SCN10A: variants seen among roughly 807,000 people sequenced by gnomAD.
SCN10A encodes the protein sodium channel protein type 10 subunit alpha.
Under a neutral mutation model 170.7 loss-of-function variants are expected in SCN10A, and 162 were observed. The ratio of observed to expected loss-of-function variants is 0.95; its 90% confidence interval spans 0.84 to 1.08. The LOEUF (loss-of-function observed/expected upper bound fraction) is 1.08, where lower values mean the gene tolerates loss of function less well. SCN10A is among the 50% of genes least tolerant of loss of function. The probability of loss-of-function intolerance (pLI) is 0.00; values close to 1 mark genes in which losing one functional copy is unlikely to be tolerated. For synonymous variants in SCN10A, 985 were observed against 904.6 expected (o/e 1.09, Z -1.59); for missense variants, 2,527 against 2,436.9 (o/e 1.04, Z -0.78).
At chr3:38,723,290 C>T (rs1244073935) in intron 19 of SCN10A, 140 bp downstream of exon 19, 6 of 987,248 alleles carry the variant, frequency 6.1e-6, no homozygotes, top group African/African-American at 1.6e-5. Context: ...GTGTCTGATG[C>T]GGGCGCCCTC....
chr3:38,811,589 T>C (rs79814624), intron 1 of SCN10A, among the ~76,000 whole-genome samples: 3,326 of 152,132 alleles, frequency 0.022, 106 homozygotes, highest in African/African-American at 0.074. Context: ...CAAAGTAATA[T>C]AATTAAGTAG....
chr3:38,771,143 G>A, intron 5 of SCN10A, 136 bp downstream of exon 5: 1 of 886,124 alleles, frequency 1.1e-6, no homozygotes, highest in South Asian at 1.7e-5. Context: ...TTCCTGCAGT[G>A]GTTCTTGGAG....
intron 15 of SCN10A, among the ~76,000 whole-genome samples, chr3:38,738,763 T>A (rs537561639): frequency 3.5e-4 from 53 of 152,222 alleles, no homozygotes; most frequent in African/African-American, 1.3e-3. Flanking sequence ...GACCCGACAC[T>A]CCTGGGAATC....
chr3:38,792,405 T>G (rs2064294291), intron 2 of SCN10A, among the ~76,000 whole-genome samples: 1 of 152,166 alleles, frequency 6.6e-6, no homozygotes, highest in Admixed American at 6.5e-5. Flanking sequence ...TGCACCAAGA[T>G]GAGCCCACTG....
chr3:38,781,044 G>T (rs2064132990), intron 4 of SCN10A, among the ~76,000 whole-genome samples: 1 of 152,110 alleles, frequency 6.6e-6, no homozygotes, highest in Non-Finnish European at 1.5e-5. Flanking sequence ...AGGTGAAACA[G>T]CTCCATAAAT....
rs754392803 is a variant in SCN10A, at chr3:38,793,968, G to A, written c.43C>T (p.Arg15Cys). 2.5e-6 allele frequency: 4 copies of A among 1,613,890 alleles called. No homozygotes were observed. The East Asian group carries it at 6.7e-5, about 27-fold the overall frequency. The change falls in exon 2 of 28, where the codon CGC becomes TGC. Residue 15 changes from arginine (R) to cysteine (C), a missense_variant. By Grantham distance (180) the Arg-to-Cys change is radical. Coordinates refer to ENST00000449082, the MANE Select transcript of SCN10A (RefSeq NM_006514.4). ...TCCACCAGTGACTCCGGAGTAAAGCGACGGAAGTTGTTAGTTTCGAGGGAT... is the reference window on the plus strand; with the variant it reads ...TCCACCAGTGACTCCGGAGTAAAGCAACGGAAGTTGTTAGTTTCGAGGGAT... ...IGSLETNNFR[R>C]FTPESLVEIE...
chr3:38,761,867 AG>A (rs2063878650), intron 6 of SCN10A, among the ~76,000 whole-genome samples: 2 of 146,584 alleles, frequency 1.4e-5, no homozygotes. Flanking sequence ...AGAGAGAGAA[AG>A]AGAGAGAGAG....
At chr3:38,815,341 A>T (rs1292626610) in intron 1 of SCN10A, among the ~76,000 whole-genome samples, 2 of 152,102 alleles carry the variant, frequency 1.3e-5, no homozygotes, top group African/African-American at 4.8e-5. Context: ...GTCCATCTGA[A>T]TTTTCTGGAG....
At position 38,713,969 on chromosome 3, in the gene SCN10A, C is replaced by G; in HGVS notation, c.3793G>C (p.Glu1265Gln). The change falls in exon 22 of 28, where the codon GAA becomes CAA. Residue 1265 changes from glutamate (E) to glutamine (Q), a missense_variant. Coordinates refer to ENST00000449082, the MANE Select transcript of SCN10A (RefSeq NM_006514.4). ...GAGATCAGACTTACCCGCATGCCTT[C>G]AAATCGAGAAAGAGCCCGCAGTGGC... ...LRPLRALSRFEGMRVVVDALV... is the reference protein window; with the variant it reads ...LRPLRALSRFQGMRVVVDALV... 1.2e-6 allele frequency: 2 copies of G among 1,613,594 alleles called. No homozygotes were observed. The highest frequency in any genetic ancestry group is 1.7e-6 in the Non-Finnish European group (2 of 1,180,040).
At chr3:38,731,969 C>T (rs1411829930) in intron 15 of SCN10A, among the ~76,000 whole-genome samples, 46 of 152,240 alleles carry the variant, frequency 3.0e-4, no homozygotes, top group Non-Finnish European at 1.0e-4. Context: ...TCTCAAAAGC[C>T]TGGTGTCCTC....
chr3:38,756,392 T>G (rs2063805423), intron 10 of SCN10A, among the ~76,000 whole-genome samples: 1 of 152,154 alleles, frequency 6.6e-6, no homozygotes, highest in African/African-American at 2.4e-5. Flanking sequence ...AAGCTGAAGC[T>G]GGTCTCTAGC....
intron 13 of SCN10A, among the ~76,000 whole-genome samples, chr3:38,745,959 A>G (rs1376004072): frequency 6.7e-6 from 1 of 148,784 alleles, no homozygotes; most frequent in Non-Finnish European, 1.5e-5. Flanking sequence ...TCTTACTTCA[A>G]CCCTTCTGTG....
chr3:38,780,227 T>G (rs2126048753), intron 4 of SCN10A, among the ~76,000 whole-genome samples: 1 of 152,056 alleles, frequency 6.6e-6, no homozygotes, highest in East Asian at 1.9e-4. Flanking sequence ...AATATGTCTG[T>G]GCAATTTTTG....
At chr3:38,792,718 T>C (rs907656002) in intron 2 of SCN10A, among the ~76,000 whole-genome samples, 1 of 150,854 alleles carries the variant, frequency 6.6e-6, no homozygotes, top group African/African-American at 2.4e-5. Flanking sequence ...AGATGGCTGA[T>C]TCCTGTCCTC....
intron 1 of SCN10A, among the ~76,000 whole-genome samples, chr3:38,800,840 G>C (rs1250526650): frequency 6.6e-6 from 1 of 152,100 alleles, no homozygotes; most frequent in Non-Finnish European, 1.5e-5. Flanking sequence ...GACCCACTGG[G>C]TCTCTTCTTC....
At chr3:38,724,873 G>A (rs960916426) in intron 18 of SCN10A, among the ~76,000 whole-genome samples, 3 of 152,126 alleles carry the variant, frequency 2.0e-5, no homozygotes, top group Non-Finnish European at 2.9e-5. Context: ...AATAAATGGC[G>A]GCTCAGAGAG....
intron 3 of SCN10A, 85 bp downstream of exon 3, chr3:38,791,965 T>C (rs1342578942): frequency 6.6e-7 from 1 of 1,517,180 alleles, no homozygotes; most frequent in Admixed American, 2.1e-5. Context: ...ATAAGGGCTC[T>C]GTTGCTAACC....
At chr3:38,732,815 T>G (rs1375738092) in intron 15 of SCN10A, among the ~76,000 whole-genome samples, 1 of 152,172 alleles carries the variant, frequency 6.6e-6, no homozygotes, top group East Asian at 1.9e-4. Context: ...AGAAAGAGAT[T>G]AGCTCAGGAA....
At chr3:38,811,018 G>A (rs1403106129) in intron 1 of SCN10A, among the ~76,000 whole-genome samples, 1 of 152,048 alleles carries the variant, frequency 6.6e-6, no homozygotes, top group African/African-American at 2.4e-5. Flanking sequence ...AAGAGGATAG[G>A]GTAGTGATTA....
Sources: gnomAD v4.1 joint callset for allele counts (sites outside exome capture counted in the v4.1 genomes callset) on GRCh38, gnomAD v4.1.1 for gene constraint, MANE v1.5 for transcripts, NCBI Gene and HGNC (gene_info 2026-07-23, HGNC 2026-07-21) for gene names.